The following ATRNL1 variants were observed in gnomAD, a reference collection of about 807,000 sequenced individuals.
ATRNL1 encodes the protein attractin-like protein 1.
ATRNL1 carries 95 observed loss-of-function variants against 182.7 expected under a neutral mutation model. The ratio of observed to expected loss-of-function variants is 0.52; its 90% CI spans 0.44 to 0.62. The LOEUF (loss-of-function observed/expected upper bound fraction) is 0.62. Ranked by LOEUF, ATRNL1 falls within the 20% of genes least tolerant of loss-of-function variation. The pLI, the probability that ATRNL1 is intolerant of heterozygous loss-of-function variation, is 0.00. For missense variants in ATRNL1, 1,471 were observed against 1,679.5 expected (o/e 0.88, Z 2.17); for synonymous variants, 576 against 568.3 (o/e 1.01, Z -0.19).
chr10:115,693,099 A>G (rs570352621), intron 26 of ATRNL1, among the ~76,000 whole-genome samples: 3 of 152,246 alleles, frequency 2.0e-5, no homozygotes, highest in African/African-American at 7.2e-5. Context: ...TTATATGTTT[A>G]TATGTAACAG....
chr10:115,105,017 G>C (rs1843942180), intron 1 of ATRNL1, among the ~76,000 whole-genome samples: 2 of 151,818 alleles, frequency 1.3e-5, no homozygotes, highest in African/African-American at 4.8e-5. Flanking sequence ...TTTTTGCTTA[G>C]AATGGCTTTG....
chr10:115,612,330 C>G (rs1312528799), intron 26 of ATRNL1, among the ~76,000 whole-genome samples: 1 of 151,810 alleles, frequency 6.6e-6, no homozygotes, highest in Non-Finnish European at 1.5e-5. Context: ...ACCATAATAA[C>G]CTGTTTTAGT....
chr10:115,644,693 T>C (rs997923655), intron 26 of ATRNL1, among the ~76,000 whole-genome samples: 1 of 152,168 alleles, frequency 6.6e-6, no homozygotes, highest in African/African-American at 2.4e-5. Flanking sequence ...TACAATTTGG[T>C]TCAAAGTAAA....
intron 22 of ATRNL1, among the ~76,000 whole-genome samples, chr10:115,462,467 C>CT (rs1847856960): frequency 6.6e-6 from 1 of 151,914 alleles, no homozygotes; most frequent in Admixed American, 6.6e-5. Flanking sequence ...CAAAAATTAG[C>CT]TAGGCATGAT....
intron 26 of ATRNL1, among the ~76,000 whole-genome samples, chr10:115,634,229 G>A (rs1565232539): frequency 6.6e-6 from 1 of 151,912 alleles, no homozygotes; most frequent in Admixed American, 6.6e-5. Context: ...TTATATCTTT[G>A]CCAAATTATC....
intron 26 of ATRNL1, among the ~76,000 whole-genome samples, chr10:115,661,121 T>A (rs74158213): frequency 0.012 from 1,772 of 152,172 alleles, 36 homozygotes; most frequent in African/African-American, 0.04. Context: ...ACCTAGAGAA[T>A]ACTGGGATCT....
intron 28 of ATRNL1, among the ~76,000 whole-genome samples, chr10:115,907,272 T>C (rs1555114780): frequency 6.6e-6 from 1 of 152,230 alleles, no homozygotes; most frequent in African/African-American, 2.4e-5. Context: ...GCTGATGAGA[T>C]TGGTAATAAT....
chr10:115,647,792 T>A (rs1555033068), intron 26 of ATRNL1, among the ~76,000 whole-genome samples: 1 of 151,942 alleles, frequency 6.6e-6, no homozygotes, highest in Non-Finnish European at 1.5e-5. Flanking sequence ...TCTGCAGAAG[T>A]TCTTTAATTA....
intron 5 of ATRNL1, among the ~76,000 whole-genome samples, chr10:115,135,851 T>A (rs189301725): frequency 8.6e-4 from 131 of 152,122 alleles, no homozygotes; most frequent in Non-Finnish European, 1.5e-3. Context: ...TGTGTCATTT[T>A]TTTTTCTTTG....
At chr10:115,176,401 T>A (rs1376790418) in intron 8 of ATRNL1, among the ~76,000 whole-genome samples, 2 of 152,100 alleles carry the variant, frequency 1.3e-5, no homozygotes, top group Non-Finnish European at 2.9e-5. Context: ...CTGTGAATTG[T>A]TTTGGCTGCA....
chr10:115,623,948 T>C (rs142313558), intron 26 of ATRNL1, among the ~76,000 whole-genome samples: 14 of 152,230 alleles, frequency 9.2e-5, no homozygotes, highest in African/African-American at 3.4e-4. Context: ...TAGGGACGCA[T>C]GAAAGGATTT....
At chr10:115,352,989 G>A (rs1462748016) in intron 19 of ATRNL1, among the ~76,000 whole-genome samples, 7 of 152,156 alleles carry the variant, frequency 4.6e-5, no homozygotes, top group Non-Finnish European at 1.0e-4. Flanking sequence ...CCTAAGAGAT[G>A]GTCTGTCCTC....
chr10:115,215,178 T>C (rs890004607), intron 8 of ATRNL1, among the ~76,000 whole-genome samples: 2 of 152,176 alleles, frequency 1.3e-5, no homozygotes, highest in African/African-American at 2.4e-5. Context: ...GTCTTGGAAA[T>C]TTTATTGTTT....
intron 26 of ATRNL1, among the ~76,000 whole-genome samples, chr10:115,627,841 G>T (rs1858205923): frequency 6.6e-6 from 1 of 151,990 alleles, no homozygotes; most frequent in African/African-American, 2.4e-5. Flanking sequence ...CAGTTAATAT[G>T]GTTGTTCTAT....
At chr10:115,720,479 T>C (rs1947388351) in intron 26 of ATRNL1, among the ~76,000 whole-genome samples, 1 of 152,200 alleles carries the variant, frequency 6.6e-6, no homozygotes, top group Non-Finnish European at 1.5e-5. Flanking sequence ...AGAAACCTTT[T>C]AAAAATACCT....
intron 13 of ATRNL1, among the ~76,000 whole-genome samples, chr10:115,274,693 G>A (rs2133906599): frequency 6.6e-6 from 1 of 152,260 alleles, no homozygotes; most frequent in African/African-American, 2.4e-5. Context: ...GTGGAGAGTT[G>A]GTATACTCCT....
At chr10:115,312,586 G>A (rs1854089267) in intron 17 of ATRNL1, among the ~76,000 whole-genome samples, 1 of 151,850 alleles carries the variant, frequency 6.6e-6, no homozygotes, top group Admixed American at 6.6e-5. Flanking sequence ...ATATACATTG[G>A]TAATGTTGTT....
intron 27 of ATRNL1, among the ~76,000 whole-genome samples, chr10:115,729,688 A>G (rs1034938): frequency 0.19 from 28,288 of 151,956 alleles, 2,825 homozygotes; most frequent in Non-Finnish European, 0.22. Flanking sequence ...TTCCCTAGCT[A>G]TGCTTTAATC....
intron 27 of ATRNL1, among the ~76,000 whole-genome samples, chr10:115,799,148 C>G (rs1044515642): frequency 2.0e-5 from 3 of 152,012 alleles, no homozygotes; most frequent in Non-Finnish European, 4.4e-5. Flanking sequence ...GAGATCCTGT[C>G]TTATTTATCT....
Sources: gnomAD v4.1 joint callset for allele counts (sites outside exome capture counted in the v4.1 genomes callset) on GRCh38, gnomAD v4.1.1 for gene constraint, MANE v1.5 for transcripts, NCBI Gene and HGNC (gene_info 2026-07-23, HGNC 2026-07-21) for gene names.